The following CDH18 variants were observed in gnomAD, a reference collection of about 807,000 sequenced individuals.
CDH18 encodes the protein cadherin-18.
CDH18 carries 31 observed loss-of-function variants against 67.9 expected under a neutral mutation model. The ratio of observed to expected loss-of-function variants is 0.46; its 90% CI spans 0.34 to 0.62. The LOEUF is 0.62. Among genes scored for constraint, CDH18 ranks in the 20% least tolerant of loss-of-function variants. The probability of loss-of-function intolerance (pLI) is 0.01; values close to 1 mark genes in which losing one functional copy is unlikely to be tolerated. For synonymous variants in CDH18, 362 were observed against 347.2 expected, an observed-to-expected ratio of 1.04 and a Z score of -0.48; for missense variants, 890 against 975.5, an observed-to-expected ratio of 0.91 and a Z score of 1.17.
At chr5:20,184,452 A>C (rs549697804) in intron 2 of CDH18, among the ~76,000 whole-genome samples, 13 of 152,186 alleles carry the variant, frequency 8.5e-5, no homozygotes, top group African/African-American at 3.1e-4. Flanking sequence ...CAAAAAGAAA[A>C]CGATGACTCT....
chr5:19,811,132 AAG>A (rs1286389582), intron 3 of CDH18, among the ~76,000 whole-genome samples: 1 of 128,076 alleles, frequency 7.8e-6, no homozygotes. Flanking sequence ...GAAAGAAAGA[AAG>A]AAAGAAAGAA....
intron 6 of CDH18, among the ~76,000 whole-genome samples, chr5:19,599,420 G>C (rs905083563): frequency 1.3e-5 from 2 of 152,060 alleles, no homozygotes; most frequent in Non-Finnish European, 1.5e-5. Flanking sequence ...ATGTTATGCT[G>C]CTTTACACGT....
chr5:19,985,009 G>A (rs931046256), intron 1 of CDH18, among the ~76,000 whole-genome samples: 44 of 152,090 alleles, frequency 2.9e-4, no homozygotes, highest in Non-Finnish European at 6.0e-4. Flanking sequence ...CAATTATAGA[G>A]AAGAACCAGT....
At chr5:19,945,665 A>T (rs950403576) in intron 2 of CDH18, among the ~76,000 whole-genome samples, 8 of 152,182 alleles carry the variant, frequency 5.3e-5, no homozygotes, top group Admixed American at 4.6e-4. Context: ...TCAGAAAAAT[A>T]ACAGTTTTTG....
intron 3 of CDH18, among the ~76,000 whole-genome samples, chr5:19,760,510 T>C (rs1219451181): frequency 6.6e-6 from 1 of 152,170 alleles, no homozygotes; most frequent in African/African-American, 2.4e-5. Flanking sequence ...ATTAGAGACT[T>C]TTACAATGCC....
At chr5:20,122,804 T>C (rs1424274624) in intron 2 of CDH18, among the ~76,000 whole-genome samples, 1 of 147,300 alleles carries the variant, frequency 6.8e-6, no homozygotes, top group Non-Finnish European at 1.5e-5. Flanking sequence ...TCGATATGAA[T>C]ACAAAGTATA....
chr5:19,921,472 A>G (rs905183393), intron 2 of CDH18, among the ~76,000 whole-genome samples: 13 of 151,024 alleles, frequency 8.6e-5, no homozygotes, highest in Non-Finnish European at 1.5e-4. Context: ...CAGAGCTTGC[A>G]GTGAGCCGAG....
At chr5:20,067,112 T>C (rs1743046258) in intron 2 of CDH18, among the ~76,000 whole-genome samples, 2 of 151,840 alleles carry the variant, frequency 1.3e-5, no homozygotes, top group Admixed American at 1.3e-4. Flanking sequence ...AAGCCAGAGA[T>C]TATTTAACAT....
At chr5:19,667,480 AAT>A (rs542445804) in intron 5 of CDH18, among the ~76,000 whole-genome samples, 2,238 of 137,246 alleles carry the variant, frequency 0.016, 32 homozygotes, top group Middle Eastern at 0.045. Context: ...AATCACAATG[AAT>A]ATATATGTTA....
chr5:19,554,539 T>C (rs1158495773), intron 8 of CDH18, among the ~76,000 whole-genome samples: 4 of 150,110 alleles, frequency 2.7e-5, no homozygotes, highest in Non-Finnish European at 5.9e-5. Flanking sequence ...AAGAAGAGCA[T>C]AACTTCATCT....
rs1321905614 is a variant in CDH18, at chr5:19,931,498, T to C, written c.-257+49562A>G. Among the ~76,000 whole-genome samples the C allele has an allele frequency of 2.6e-5, 4 of 151,924 alleles. No homozygotes were observed. The East Asian group carries it at 5.8e-4, about 22-fold the overall frequency. ...ATTTAGGGCCATTGCTGTTACTACC[T>C]AATAAAAATTTTTCTGCTATAAATA... On this transcript the variant is annotated intron_variant, in intron 2 of 12. Coordinates refer to ENST00000382275, the MANE Select transcript of CDH18 (RefSeq NM_004934.5).
intron 2 of CDH18, among the ~76,000 whole-genome samples, chr5:20,013,757 G>A (rs897480561): frequency 6.6e-6 from 1 of 151,844 alleles, no homozygotes; most frequent in Admixed American, 6.6e-5. Context: ...AAAATCTTAA[G>A]GGAACCAAAA....
intron 2 of CDH18, among the ~76,000 whole-genome samples, chr5:20,051,181 C>T (rs886778590): frequency 1.3e-5 from 2 of 151,884 alleles, no homozygotes; most frequent in Non-Finnish European, 2.9e-5. Context: ...TATTTTGAAA[C>T]TTAAAGCATA....
chr5:20,298,335 C>A (rs1747700149), intron 1 of CDH18, among the ~76,000 whole-genome samples: 1 of 152,122 alleles, frequency 6.6e-6, no homozygotes, highest in Admixed American at 6.5e-5. Flanking sequence ...TACGGTGCAA[C>A]AGAGAGTGAT....
intron 12 of CDH18, among the ~76,000 whole-genome samples, chr5:19,477,871 T>C (rs1301854752): frequency 2.0e-5 from 3 of 152,116 alleles, no homozygotes; most frequent in African/African-American, 7.2e-5. Flanking sequence ...ATTTATGATA[T>C]AATTTGAAGC....
chr5:20,556,045 T>C (rs1054538139), intron 1 of CDH18, among the ~76,000 whole-genome samples: 1 of 152,188 alleles, frequency 6.6e-6, no homozygotes, highest in African/African-American at 2.4e-5. Flanking sequence ...CTTTACATTA[T>C]CACCCCACAT....
At chr5:19,493,242 C>A (rs1250579971) in intron 11 of CDH18, among the ~76,000 whole-genome samples, 1 of 152,150 alleles carries the variant, frequency 6.6e-6, no homozygotes, top group Non-Finnish European at 1.5e-5. Context: ...TTCATATCAT[C>A]CTCATTTCCC....
intron 1 of CDH18, among the ~76,000 whole-genome samples, chr5:20,402,269 A>G (rs1224033305): frequency 6.6e-6 from 1 of 152,126 alleles, no homozygotes; most frequent in Non-Finnish European, 1.5e-5. Flanking sequence ...TCTGAGATGA[A>G]CTCTGTGTAT....
intron 2 of CDH18, among the ~76,000 whole-genome samples, chr5:20,190,925 G>C (rs946328877): frequency 9.9e-5 from 15 of 152,020 alleles, no homozygotes; most frequent in Admixed American, 2.6e-4. Context: ...TACTAAAAAA[G>C]TGAAGGTTCA....
Sources: allele counts gnomAD v4.1 joint callset (sites outside exome capture counted in the v4.1 genomes callset), GRCh38; gene constraint gnomAD v4.1.1; transcripts MANE v1.5; gene names NCBI Gene and HGNC (gene_info 2026-07-23, HGNC 2026-07-21).